The following RIMS1 variants were observed in gnomAD, a reference collection of about 807,000 sequenced individuals.
RIMS1 encodes the protein regulating synaptic membrane exocytosis 1.
Under a neutral mutation model 214.1 loss-of-function variants are expected in RIMS1, and 83 were observed. That is an observed-to-expected ratio of 0.39 (90% CI 0.32 to 0.47). RIMS1 has a LOEUF of 0.47. RIMS1 is among the 20% of genes least tolerant of loss of function. The pLI, the probability that RIMS1 is intolerant of heterozygous loss-of-function variation, is 0.99. For synonymous variants in RIMS1, 793 were observed against 786.8 expected (o/e 1.01, Z -0.13); for missense variants, 2,050 against 2,161.8 (o/e 0.95, Z 1.03).
At chr6:71,957,645 G>C (rs1251149268) in intron 1 of RIMS1, among the ~76,000 whole-genome samples, 3 of 150,474 alleles carry the variant, frequency 2.0e-5, no homozygotes, top group Non-Finnish European at 2.9e-5. Context: ...ACACACTGAA[G>C]AGCAAGGTGA....
At chr6:72,296,377 T>C (rs2094097343) in intron 26 of RIMS1, among the ~76,000 whole-genome samples, 1 of 151,992 alleles carries the variant, frequency 6.6e-6, no homozygotes, top group Non-Finnish European at 1.5e-5. Context: ...ACTTTCCAGA[T>C]AGTGGTAACC....
intron 29 of RIMS1, among the ~76,000 whole-genome samples, chr6:72,377,712 C>T (rs1312373880): frequency 6.6e-6 from 1 of 152,082 alleles, no homozygotes. Flanking sequence ...TTTATATATA[C>T]AGACATATAT....
intron 24 of RIMS1, among the ~76,000 whole-genome samples, chr6:72,285,966 G>A (rs977610581): frequency 6.6e-6 from 1 of 152,132 alleles, no homozygotes; most frequent in Non-Finnish European, 1.5e-5. Context: ...GGGAGGCCAA[G>A]GCGGGCAGAT....
intron 2 of RIMS1, among the ~76,000 whole-genome samples, chr6:72,032,666 C>T (rs1818459330): frequency 6.6e-6 from 1 of 152,076 alleles, no homozygotes; most frequent in African/African-American, 2.4e-5. Flanking sequence ...AAAATAAATT[C>T]ACAATGGGAA....
intron 28 of RIMS1, among the ~76,000 whole-genome samples, chr6:72,328,400 ACAAACCTT>A (rs1050184106): frequency 2.0e-5 from 3 of 151,798 alleles, no homozygotes; most frequent in African/African-American, 7.3e-5. Flanking sequence ...TACCTATGTA[ACAAACCTT>A]CATGTTCTGC....
At chr6:72,039,508 C>T (rs1437349883) in intron 2 of RIMS1, among the ~76,000 whole-genome samples, 2 of 151,990 alleles carry the variant, frequency 1.3e-5, no homozygotes, top group Non-Finnish European at 2.9e-5. Flanking sequence ...CTGATGGCTT[C>T]ATCTGCAGGT....
chr6:71,986,836 T>G (rs1378982759), intron 2 of RIMS1, among the ~76,000 whole-genome samples: 3 of 152,256 alleles, frequency 2.0e-5, no homozygotes, highest in Non-Finnish European at 4.4e-5. Flanking sequence ...TGCTGCTGTG[T>G]GAGAGTGCTT....
intron 4 of RIMS1, among the ~76,000 whole-genome samples, chr6:72,171,456 GC>G (rs2047023039): frequency 6.6e-6 from 1 of 151,482 alleles, no homozygotes; most frequent in Admixed American, 6.6e-5. Flanking sequence ...GAATCTGATA[GC>G]CCCCCCGAAC....
At chr6:71,936,408 C>T (rs1005952081) in intron 1 of RIMS1, among the ~76,000 whole-genome samples, 9 of 147,678 alleles carry the variant, frequency 6.1e-5, no homozygotes, top group Non-Finnish European at 1.2e-4. Context: ...CTGTAAAGTA[C>T]GAGTAAAAGG....
intron 1 of RIMS1, among the ~76,000 whole-genome samples, chr6:71,890,597 A>ACG (rs1769477742): frequency 1.7e-5 from 1 of 60,516 alleles, no homozygotes; most frequent in Admixed American, 1.8e-4. Context: ...AAAAAAAAAA[A>ACG]CTTCATAGAG....
intron 6 of RIMS1, among the ~76,000 whole-genome samples, chr6:72,228,696 T>G (rs2061031327): frequency 1.3e-5 from 2 of 151,890 alleles, no homozygotes; most frequent in Non-Finnish European, 2.9e-5. Flanking sequence ...CTAGACCATA[T>G]GGTAGTTCTA....
At chr6:72,062,053 G>A (rs1376490797) in intron 2 of RIMS1, among the ~76,000 whole-genome samples, 1 of 152,172 alleles carries the variant, frequency 6.6e-6, no homozygotes, top group African/African-American at 2.4e-5. Context: ...TTGGGACAGA[G>A]GAATATAGCC....
chr6:71,901,641 G>A (rs1773653983), intron 1 of RIMS1, among the ~76,000 whole-genome samples: 1 of 152,002 alleles, frequency 6.6e-6, no homozygotes, highest in African/African-American at 2.4e-5. Context: ...GGCTGGAAAG[G>A]GGTAGGAGGT....
chr6:71,922,212 G>A (rs1041120344), intron 1 of RIMS1, among the ~76,000 whole-genome samples: 5 of 151,926 alleles, frequency 3.3e-5, no homozygotes, highest in Admixed American at 3.3e-4. Context: ...CAATTCAATG[G>A]CATTAATACA....
chr6:72,293,267 C>T (rs994880044), intron 26 of RIMS1, among the ~76,000 whole-genome samples: 2 of 151,906 alleles, frequency 1.3e-5, no homozygotes, highest in Non-Finnish European at 2.9e-5. Flanking sequence ...TTTAGTGAAT[C>T]ATGAAAATAT....
At chr6:71,932,872 A>G (rs1218075722) in intron 1 of RIMS1, among the ~76,000 whole-genome samples, 1 of 152,034 alleles carries the variant, frequency 6.6e-6, no homozygotes, top group Non-Finnish European at 1.5e-5. Flanking sequence ...AAAAAAAGAT[A>G]GAGGAGCAAA....
At chr6:72,337,566 T>A (rs1473348022) in intron 29 of RIMS1, among the ~76,000 whole-genome samples, 4 of 151,864 alleles carry the variant, frequency 2.6e-5, no homozygotes, top group African/African-American at 7.2e-5. Context: ...ATTATTCCCA[T>A]TTTTTTCTTT....
At chr6:72,317,316 C>A in intron 28 of RIMS1, 1 of 262,284 alleles carries the variant, frequency 3.8e-6, no homozygotes, top group Admixed American at 4.7e-5. Context: ...GGGCTGTGTT[C>A]TGCCACCATA....
intron 4 of RIMS1, among the ~76,000 whole-genome samples, chr6:72,165,485 C>G (rs1189326615): frequency 6.6e-6 from 1 of 152,142 alleles, no homozygotes; most frequent in Admixed American, 6.6e-5. Flanking sequence ...TTCCCTCTCT[C>G]TCTCTGTCTT....
Sources: gnomAD v4.1 joint callset for allele counts (sites outside exome capture counted in the v4.1 genomes callset) on GRCh38, gnomAD v4.1.1 for gene constraint, MANE v1.5 for transcripts, NCBI Gene and HGNC (gene_info 2026-07-23, HGNC 2026-07-21) for gene names.